Variants in ARID5B observed in about 807,000 individuals in gnomAD.
The protein encoded by ARID5B is AT-rich interactive domain-containing protein 5B.
In ARID5B, 13 loss-of-function variants were observed where a neutral mutation model predicts 97.2. The ratio of observed to expected loss-of-function variants is 0.13; its 90% CI spans 0.09 to 0.21. The LOEUF (loss-of-function observed/expected upper bound fraction) is 0.21, where lower values mean the gene tolerates loss of function less well. Among genes scored for constraint, ARID5B ranks in the 10% least tolerant of loss-of-function variants. ARID5B has a pLI of 1.00. For missense variants in ARID5B, 1,210 were observed against 1,465.3 expected (o/e 0.83, Z 2.84); for synonymous variants, 556 against 570.3 (o/e 0.97, Z 0.36).
intron 4 of ARID5B, among the ~76,000 whole-genome samples, chr10:62,004,157 G>T (rs1839117729): frequency 6.6e-6 from 1 of 152,070 alleles, no homozygotes; most frequent in African/African-American, 2.4e-5. Flanking sequence ...AGGCTTGAAG[G>T]GTTTTGATAG....
intron 7 of ARID5B, among the ~76,000 whole-genome samples, chr10:62,065,628 G>A (rs1469131194): frequency 2.6e-5 from 4 of 152,018 alleles, no homozygotes; most frequent in African/African-American, 7.3e-5. Context: ...GGCGGATCAC[G>A]AGGTCAGGAG....
In ARID5B at chr10:62,093,836, T is replaced by G. The variant is rs147227582; in HGVS notation, c.*806T>G. ...ATTGTTTACAAATTGAAGCAACTGA[T>G]TCTAGTGGAACAAATGAAAAAGAAA... On this transcript the variant is annotated 3_prime_UTR_variant, in exon 10 of 10. Coordinates refer to ENST00000279873, the MANE Select transcript of ARID5B (RefSeq NM_032199.3). 2.7e-3 allele frequency: 626 copies of G among 233,616 alleles called. No homozygotes were observed. Among genetic ancestry groups the G allele is most frequent in the Middle Eastern group, 8.9e-3 (7 of 784 alleles). 14.5% of individuals were successfully genotyped at this position (233,616 alleles called of 1,614,324 possible).
chr10:62,025,387 T>C (rs1407009191), intron 4 of ARID5B: 1 of 152,192 alleles, frequency 6.6e-6, no homozygotes, highest in Non-Finnish European at 1.5e-5. Context: ...AGATTTATAA[T>C]GGGTATCTTT....
At chr10:62,017,677 A>G (rs1366525135) in intron 4 of ARID5B, among the ~76,000 whole-genome samples, 1 of 152,200 alleles carries the variant, frequency 6.6e-6, no homozygotes, top group Admixed American at 6.5e-5. Context: ...AATATGCTCT[A>G]CAGCATCTGA....
chr10:61,965,377 A>G (rs1233328904), intron 3 of ARID5B, among the ~76,000 whole-genome samples: 2 of 152,172 alleles, frequency 1.3e-5, no homozygotes, highest in Non-Finnish European at 2.9e-5. Context: ...TTAACTCTGT[A>G]TTAAAGAGGA....
intron 2 of ARID5B, among the ~76,000 whole-genome samples, chr10:61,903,732 C>T (rs1347481109): frequency 6.6e-6 from 1 of 152,160 alleles, no homozygotes; most frequent in Non-Finnish European, 1.5e-5. Context: ...TCGGTTTGAT[C>T]GAGTTGATAG....
chr10:61,976,608 G>C (rs1838701942), intron 3 of ARID5B, among the ~76,000 whole-genome samples: 1 of 152,194 alleles, frequency 6.6e-6, no homozygotes, highest in Non-Finnish European at 1.5e-5. Context: ...TTCTCAAACA[G>C]TGCCTAACCT....
At chr10:61,971,866 G>A (rs558643028) in intron 3 of ARID5B, among the ~76,000 whole-genome samples, 15 of 152,162 alleles carry the variant, frequency 9.9e-5, no homozygotes, top group South Asian at 2.1e-4. Flanking sequence ...CTTCTTGCTC[G>A]TTGTGTTGAG....
intron 8 of ARID5B, among the ~76,000 whole-genome samples, chr10:62,085,059 A>T (rs1207833919): frequency 1.3e-5 from 2 of 152,214 alleles, no homozygotes; most frequent in Middle Eastern, 3.2e-3. Context: ...ATGTTTTCAG[A>T]TGGGCAGCAC....
At chr10:62,061,816 C>A (rs1322805946) in intron 7 of ARID5B, among the ~76,000 whole-genome samples, 2 of 152,144 alleles carry the variant, frequency 1.3e-5, no homozygotes, top group Admixed American at 1.3e-4. Flanking sequence ...AATCTTTATG[C>A]CAACGTGGCA....
At chr10:61,944,235 T>C (rs1257463335) in intron 3 of ARID5B, among the ~76,000 whole-genome samples, 1 of 152,222 alleles carries the variant, frequency 6.6e-6, no homozygotes, top group African/African-American at 2.4e-5. Flanking sequence ...AGGAATGTAT[T>C]ATTCATAAGC....
intron 2 of ARID5B, among the ~76,000 whole-genome samples, chr10:61,933,924 A>C (rs748627600): frequency 2.0e-5 from 3 of 152,206 alleles, no homozygotes; most frequent in Admixed American, 6.5e-5. Flanking sequence ...TTGACATCTC[A>C]CTATCTATGA....
chr10:61,979,847 T>A (rs1838752824), intron 3 of ARID5B, among the ~76,000 whole-genome samples: 1 of 152,152 alleles, frequency 6.6e-6, no homozygotes, highest in African/African-American at 2.4e-5. Context: ...ATCCCAGCAC[T>A]TTGGGAGGCC....
intron 2 of ARID5B, among the ~76,000 whole-genome samples, chr10:61,930,089 C>G (rs566142637): frequency 6.8e-6 from 1 of 147,190 alleles, no homozygotes; most frequent in Admixed American, 6.6e-5. Context: ...GCACTGGAAT[C>G]CCCATAGAGA....
chr10:62,025,041 G>A (rs1458284387), intron 4 of ARID5B: 1 of 173,242 alleles, frequency 5.8e-6, no homozygotes, highest in Non-Finnish European at 1.2e-5. Context: ...GGTGGGGAGG[G>A]TAGGTTTCTC....
chr10:61,989,118 A>T (rs1180389349), intron 3 of ARID5B, among the ~76,000 whole-genome samples: 1 of 151,584 alleles, frequency 6.6e-6, no homozygotes, highest in African/African-American at 2.4e-5. Context: ...TTTAGTAGAG[A>T]CGGGGTTTCG....
intron 8 of ARID5B, among the ~76,000 whole-genome samples, chr10:62,085,434 T>C (rs1840267692): frequency 1.3e-5 from 2 of 152,200 alleles, no homozygotes; most frequent in Admixed American, 6.5e-5. Context: ...ATATTGTTAA[T>C]GTTGGATGCT....
At chr10:62,090,432 G>T (rs1207420131) in intron 9 of ARID5B, among the ~76,000 whole-genome samples, 2 of 152,156 alleles carry the variant, frequency 1.3e-5, no homozygotes, top group African/African-American at 4.8e-5. Flanking sequence ...TTAACATGGG[G>T]TTGGTTGGAT....
In ARID5B at chr10:62,000,186, T is replaced by C; in HGVS notation, c.598T>C (p.Ser200Pro). 1 of 1,614,078 alleles carries C rather than the reference T, an allele frequency of 6.2e-7. No individual in the cohort carries two copies. Among genetic ancestry groups the C allele is most frequent in the Non-Finnish European group, 8.5e-7 (1 of 1,179,932 alleles). Reference sequence around the variant, plus strand: ...GAAACGCATCCAGGATAAGCCATCTTCCATTCTAACGGACCAGTTTGCATT... The same window carrying C: ...GAAACGCATCCAGGATAAGCCATCTCCCATTCTAACGGACCAGTTTGCATT... ...MLKRIQDKPS[S>P]ILTDQFALAL... Residue 200 changes from serine (S) to proline (P), a missense_variant, in exon 4 of 10, where the codon TCC (serine) becomes CCC (proline). Ser to Pro is a moderately conservative substitution (Grantham distance 74). This residue lies in a region of ARID5B where 132 missense variants were observed against 156.7 expected (regional missense o/e 0.84). Transcript: ENST00000279873. This position sits in a 1 kb window ranked among gnomAD's most constrained non-coding sequence, Gnocchi z 4.4.
Sources: gnomAD v4.1 joint callset for allele counts (sites outside exome capture counted in the v4.1 genomes callset) on GRCh38, gnomAD v4.1.1 for gene constraint, gnomAD v4.1.1 regional missense constraint, Gnocchi (gnomAD v3.1) non-coding constraint, MANE v1.5 for transcripts, NCBI Gene and HGNC (gene_info 2026-07-23, HGNC 2026-07-21) for gene names.